SIM2: variants seen among roughly 807,000 people sequenced by gnomAD.
SIM2 encodes SIM bHLH transcription factor 2.
Under a neutral mutation model 64.8 loss-of-function variants are expected in SIM2, and 28 were observed. The observed-to-expected ratio is 0.43, with a 90% CI of 0.32 to 0.59. SIM2 has a LOEUF of 0.59. Among genes scored for constraint, SIM2 ranks in the 20% least tolerant of loss-of-function variants. The pLI, the probability that SIM2 is intolerant of heterozygous loss-of-function variation, is 0.07. For missense variants in SIM2, 847 were observed against 871.4 expected (o/e 0.97, Z 0.35); for synonymous variants, 408 against 391.1 (o/e 1.04, Z -0.51).
intron 8 of SIM2, among the ~76,000 whole-genome samples, chr21:36,742,909 T>G (rs1451343338): frequency 6.6e-6 from 1 of 152,132 alleles, no homozygotes; most frequent in Non-Finnish European, 1.5e-5. Context: ...GCTGAGTTGG[T>G]TCTTTAGGGC....
rs867483866 is a variant in SIM2 at position 36,748,136 on chromosome 21, G to C, written c.*44G>C. On this transcript the variant is annotated 3_prime_UTR_variant, in exon 11 of 11. Transcript: ENST00000290399. ...CAGGAGCCTGGACCCGGCCTCCCGGGGCTGCGGCGCCACCGAGCCCGGCAA... is the reference window on the plus strand; with the variant it reads ...CAGGAGCCTGGACCCGGCCTCCCGGCGCTGCGGCGCCACCGAGCCCGGCAA... 11 of 1,105,014 alleles carry C rather than the reference G, an allele frequency of 1.0e-5. No individual in the cohort carries two copies. The allele number at this position is 1,105,014 out of a possible 1,614,324, so 68.5% of individuals were successfully genotyped here. A position where few individuals can be genotyped will look rare whatever the true frequency, so the allele number is the denominator to read the frequency against.
intron 8 of SIM2, among the ~76,000 whole-genome samples, chr21:36,742,355 T>G (rs1435690364): frequency 6.6e-6 from 1 of 152,162 alleles, no homozygotes; most frequent in Non-Finnish European, 1.5e-5. Context: ...TGGTGAATAT[T>G]TGGTCCTTTA....
At chr21:36,718,540 C>T (rs533882400) in intron 3 of SIM2, among the ~76,000 whole-genome samples, 54 of 152,314 alleles carry the variant, frequency 3.5e-4, no homozygotes, top group African/African-American at 1.2e-3. Flanking sequence ...TCTCTCCTTC[C>T]GGCAGGGTCA....
At chr21:36,724,240 C>T (rs897775152) in intron 5 of SIM2, among the ~76,000 whole-genome samples, 10 of 152,196 alleles carry the variant, frequency 6.6e-5, no homozygotes, top group African/African-American at 2.2e-4. Context: ...CTTTGGGCCA[C>T]GGTGGGGCCC....
intron 9 of SIM2, among the ~76,000 whole-genome samples, chr21:36,744,105 G>A (rs944812756): frequency 2.0e-5 from 3 of 151,946 alleles, no homozygotes; most frequent in Non-Finnish European, 2.9e-5. Context: ...AAAACTTCGC[G>A]CCTGTAGTCC....
intron 7 of SIM2, among the ~76,000 whole-genome samples, chr21:36,741,167 G>T (rs1235830079): frequency 6.6e-6 from 1 of 152,216 alleles, no homozygotes; most frequent in Non-Finnish European, 1.5e-5. Flanking sequence ...AAATTAATGG[G>T]CCCAAGGAAA....
At chr21:36,718,076 A>C (rs542783474) in intron 3 of SIM2, among the ~76,000 whole-genome samples, 1 of 152,288 alleles carries the variant, frequency 6.6e-6, no homozygotes, top group South Asian at 2.1e-4. Flanking sequence ...CTGTTTGCAT[A>C]ATATTGGAAG....
At chr21:36,734,482 C>T (rs1443739078) in intron 7 of SIM2, among the ~76,000 whole-genome samples, 1 of 152,172 alleles carries the variant, frequency 6.6e-6, no homozygotes, top group Non-Finnish European at 1.5e-5. Context: ...TGACTCTGAC[C>T]TTAGCTGTGC....
chr21:36,736,001 G>T (rs1263117285), intron 7 of SIM2, among the ~76,000 whole-genome samples: 1 of 152,186 alleles, frequency 6.6e-6, no homozygotes, highest in Non-Finnish European at 1.5e-5. Flanking sequence ...CCCCACTGTG[G>T]CCACTGCAGA....
chr21:36,713,285 C>A (rs2088700999), intron 3 of SIM2, among the ~76,000 whole-genome samples: 1 of 152,076 alleles, frequency 6.6e-6, no homozygotes. Context: ...TAAAAAAGTC[C>A]ACCGTTTCCT....
chr21:36,741,581 C>A (rs147355828), intron 7 of SIM2, 136 bp from the exon 8 acceptor site: 7 of 912,644 alleles, frequency 7.7e-6, no homozygotes, highest in South Asian at 6.1e-5. Context: ...CAGACATGCA[C>A]CCTCCAGCGG....
Position 36,699,743 on chromosome 21 carries a change from C to A in SIM2, c.-4C>A, listed in dbSNP as rs1425575160. ...GGGTCTAATATGCCCGGAGCCGAGG[C>A]GCGATGAAGGAGAAGTCCAAGAATG... On this transcript the variant is annotated 5_prime_UTR_variant, in exon 1 of 11. Transcript: ENST00000290399. This position sits in a 1 kb window ranked among gnomAD's most constrained non-coding sequence, Gnocchi z 5.6. 6.2e-7 allele frequency: 1 copy of A among 1,612,070 alleles called. No individual in the cohort carries two copies. Among genetic ancestry groups the A allele is most frequent in the East Asian group, 2.2e-5 (1 of 44,752 alleles).
chr21:36,700,696 G>C (rs1007828492), intron 1 of SIM2, among the ~76,000 whole-genome samples: 6 of 152,248 alleles, frequency 3.9e-5, no homozygotes, highest in African/African-American at 1.4e-4. Flanking sequence ...CTTGTGCTGA[G>C]CCGGGCCCTC....
At chr21:36,741,213 A>G (rs184274105) in intron 7 of SIM2, among the ~76,000 whole-genome samples, 312 of 152,336 alleles carry the variant, frequency 2.0e-3, no homozygotes, top group African/African-American at 7.0e-3. Flanking sequence ...AAATGGCAAC[A>G]AACAGTTTCA....
Position 36,702,815 on chromosome 21 carries a change from C to T in SIM2, c.175+2894C>T, listed in dbSNP as rs1386429080. On this transcript the variant is annotated intron_variant, in intron 1 of 10. Coordinates refer to ENST00000290399, the MANE Select transcript of SIM2 (RefSeq NM_005069.6). ...GGCTGTGGCAGGGGCTCTCAGATCG[C>T]CTCGGGCTCTCAGCTGCAAGGTGAA... Among the ~76,000 whole-genome samples the T allele has an allele frequency of 5.9e-5, 9 of 151,736 alleles. No individual in the cohort carries two copies. In the East Asian group the frequency reaches 1.7e-3, roughly 29 times the overall value.
intron 7 of SIM2, among the ~76,000 whole-genome samples, chr21:36,735,734 G>C (rs2089036685): frequency 6.6e-6 from 1 of 152,218 alleles, no homozygotes; most frequent in African/African-American, 2.4e-5. Context: ...CCCTCAACTA[G>C]GTCATTCCTT....
At chr21:36,744,017 G>A (rs2089196750) in intron 9 of SIM2, among the ~76,000 whole-genome samples, 1 of 152,244 alleles carries the variant, frequency 6.6e-6, no homozygotes, top group Non-Finnish European at 1.5e-5. Flanking sequence ...GGGAGGCCGA[G>A]GCAGGTGGAT....
intron 7 of SIM2, among the ~76,000 whole-genome samples, chr21:36,731,948 A>T (rs552996430): frequency 1.3e-5 from 2 of 152,154 alleles, no homozygotes; most frequent in Admixed American, 6.5e-5. Flanking sequence ...AGTGGCATGA[A>T]CTTGGCTCAC....
chr21:36,724,112 G>A (rs1236865727), intron 5 of SIM2, among the ~76,000 whole-genome samples: 1 of 152,196 alleles, frequency 6.6e-6, no homozygotes, highest in African/African-American at 2.4e-5. Flanking sequence ...TTTCTGGAAG[G>A]CCCCGCCCCA....
Sources: gnomAD v4.1 joint callset for allele counts (sites outside exome capture counted in the v4.1 genomes callset) on GRCh38, gnomAD v4.1.1 for gene constraint, Gnocchi (gnomAD v3.1) non-coding constraint, MANE v1.5 for transcripts, NCBI Gene and HGNC (gene_info 2026-07-23, HGNC 2026-07-21) for gene names.